Variants in FRMD6 observed in about 807,000 individuals in gnomAD.
FRMD6 encodes the protein FERM domain containing 6, also known as FERM domain-containing protein 6.
FRMD6 carries 37 observed loss-of-function variants against 73.2 expected under a neutral mutation model. The ratio of observed to expected loss-of-function variants is 0.51; its 90% CI spans 0.39 to 0.66. The LOEUF (loss-of-function observed/expected upper bound fraction) is 0.66. FRMD6 is among the 30% of genes least tolerant of loss of function. The pLI is 0.00. For synonymous variants in FRMD6, 273 were observed against 282.2 expected (o/e 0.97, Z 0.33); for missense variants, 714 against 780.5 (o/e 0.91, Z 1.02).
chr14:51,632,906 G>A (rs1891393068), intron 2 of FRMD6, among the ~76,000 whole-genome samples: 1 of 152,188 alleles, frequency 6.6e-6, no homozygotes, highest in African/African-American at 2.4e-5. Flanking sequence ...CCAACTGTAA[G>A]ATGACATTTT....
At chr14:51,407,933 A>T in the FRMD6 span, among the ~76,000 whole-genome samples, 1 of 152,116 alleles carries the variant, frequency 6.6e-6, no homozygotes, top group African/African-American at 2.4e-5. Context: ...GAATTATCTT[A>T]GTTCTCAAAT....
At chr14:51,511,916 A>G (rs1884333814) in intron 1 of FRMD6, among the ~76,000 whole-genome samples, 1 of 152,042 alleles carries the variant, frequency 6.6e-6, no homozygotes, top group South Asian at 2.1e-4. Context: ...AAATTAAAAT[A>G]AACAAGAAAC....
chr14:51,697,868 A>G (rs1896049705), intron 2 of FRMD6: 2 of 246,164 alleles, frequency 8.1e-6, no homozygotes, highest in Non-Finnish European at 1.6e-5. Flanking sequence ...CTCATTTATC[A>G]TTTATCATGC....
At chr14:51,622,207 T>A (rs1228383751) in intron 2 of FRMD6, among the ~76,000 whole-genome samples, 1 of 152,236 alleles carries the variant, frequency 6.6e-6, no homozygotes, top group Non-Finnish European at 1.5e-5. Flanking sequence ...AGTGTTTCTA[T>A]GTAAGAACAT....
At chr14:51,507,305 G>A (rs1427577723) in intron 1 of FRMD6, among the ~76,000 whole-genome samples, 1 of 152,026 alleles carries the variant, frequency 6.6e-6, no homozygotes, top group Non-Finnish European at 1.5e-5. Context: ...GCCCAGTTGA[G>A]GAAAGGCTGA....
the FRMD6 span, among the ~76,000 whole-genome samples, chr14:51,471,450 G>A: frequency 6.6e-6 from 1 of 150,710 alleles, no homozygotes; most frequent in South Asian, 2.1e-4. Flanking sequence ...GCAGTTAGCC[G>A]AGATAGCGCC....
At chr14:51,655,838 T>C (rs1202695167) in intron 1 of FRMD6, among the ~76,000 whole-genome samples, 1 of 152,220 alleles carries the variant, frequency 6.6e-6, no homozygotes, top group Non-Finnish European at 1.5e-5. Context: ...TTGCCTGTCT[T>C]TGTGTTGAAT....
At chr14:51,727,082 C>T (rs564192356) in intron 13 of FRMD6, among the ~76,000 whole-genome samples, 108 of 152,234 alleles carry the variant, frequency 7.1e-4, no homozygotes, top group African/African-American at 2.3e-3. Flanking sequence ...CCCCCACCCC[C>T]GACTCGTGTT....
At chr14:51,677,478 G>C (rs963983252) in intron 1 of FRMD6, among the ~76,000 whole-genome samples, 4 of 152,064 alleles carry the variant, frequency 2.6e-5, no homozygotes, top group Non-Finnish European at 5.9e-5. Context: ...CTAAGTTGGA[G>C]GATTTTCCCT....
At chr14:51,406,059 G>C in the FRMD6 span, among the ~76,000 whole-genome samples, 147,270 of 152,270 alleles carry the variant, frequency 0.97, 71,372 homozygotes, top group East Asian at 1. Context: ...TATGGCTAGT[G>C]AGTTATCCCA....
Position 51,557,429 on chromosome 14 carries a change from A to G in FRMD6, c.-209-12919A>G, listed in dbSNP as rs551727977. ...ATACAGCATGATCTCACCTCTTTGT[A>G]GAATCTAAAACAGTCAAACTCAACT... On this transcript the variant is annotated intron_variant, in intron 1 of 14. Transcript: ENST00000356218. Among the ~76,000 whole-genome samples the G allele has an allele frequency of 4.6e-5, 7 of 152,238 alleles. No homozygotes were observed. The East Asian group carries it at 1.4e-3, about 29-fold the overall frequency.
the FRMD6 span, among the ~76,000 whole-genome samples, chr14:51,414,942 G>A: frequency 1.6e-4 from 24 of 152,094 alleles, 1 homozygote; most frequent in African/African-American, 5.8e-4. Flanking sequence ...TCATGATTTG[G>A]CTCTCTGTTT....
the FRMD6 span, among the ~76,000 whole-genome samples, chr14:51,422,487 A>G: frequency 2.0e-5 from 3 of 152,250 alleles, no homozygotes; most frequent in Non-Finnish European, 4.4e-5. Context: ...TACAAATTGA[A>G]TGATTACAAA....
At chr14:51,641,958 C>T (rs1462604078) in intron 2 of FRMD6, among the ~76,000 whole-genome samples, 1 of 152,116 alleles carries the variant, frequency 6.6e-6, no homozygotes, top group Non-Finnish European at 1.5e-5. Context: ...CTAGAAGTGA[C>T]AAAATATGGC....
chr14:51,556,801 T>A (rs1187683894), intron 1 of FRMD6, among the ~76,000 whole-genome samples: 1 of 151,764 alleles, frequency 6.6e-6, no homozygotes, highest in Non-Finnish European at 1.5e-5. Context: ...TGCCCCTGTC[T>A]CCTTCTCTAC....
At chr14:51,612,581 T>G (rs1006159733) in intron 2 of FRMD6, among the ~76,000 whole-genome samples, 3 of 152,152 alleles carry the variant, frequency 2.0e-5, no homozygotes, top group Non-Finnish European at 4.4e-5. Flanking sequence ...AATGCCTACT[T>G]CAAAGGTCAT....
chr14:51,624,605 T>G (rs537064659), intron 2 of FRMD6, among the ~76,000 whole-genome samples: 3 of 152,332 alleles, frequency 2.0e-5, no homozygotes, highest in South Asian at 2.1e-4. Flanking sequence ...GTGGAATTTC[T>G]ATATCTAGCC....
At chr14:51,696,596 G>C (rs1895954093) in intron 2 of FRMD6, among the ~76,000 whole-genome samples, 1 of 151,816 alleles carries the variant, frequency 6.6e-6, no homozygotes, top group African/African-American at 2.4e-5. Flanking sequence ...AAATATATTA[G>C]ACAAAATAAC....
chr14:51,483,911 A>T, the FRMD6 span, among the ~76,000 whole-genome samples: 1 of 152,236 alleles, frequency 6.6e-6, no homozygotes, highest in East Asian at 1.9e-4. Context: ...ATATTCATCC[A>T]GATGATAAAA....
Sources: allele counts gnomAD v4.1 joint callset (sites outside exome capture counted in the v4.1 genomes callset), GRCh38; gene constraint gnomAD v4.1.1; transcripts MANE v1.5; gene names NCBI Gene and HGNC (gene_info 2026-07-23, HGNC 2026-07-21).